PKIB: variants seen among roughly 807,000 people sequenced by gnomAD.
PKIB encodes the protein cAMP-dependent protein kinase inhibitor beta, also known as PKI-beta.
A neutral mutation model predicts 4.5 loss-of-function variants in PKIB; 2 were observed. The observed-to-expected ratio is 0.44, with a 90% confidence interval of 0.18 to 1.39. PKIB has a LOEUF of 1.39. PKIB is among the 40% of genes most tolerant of loss of function. PKIB has a pLI of 0.27. For synonymous variants in PKIB, 38 were observed against 36.0 expected (o/e 1.06, Z -0.20); for missense variants, 94 against 92.6 (o/e 1.02, Z -0.06).
intron 3 of PKIB, among the ~76,000 whole-genome samples, chr6:122,683,645 C>A (rs1200294587): frequency 6.6e-6 from 1 of 152,146 alleles, no homozygotes; most frequent in Admixed American, 6.5e-5. Context: ...TCTCATTTAA[C>A]CAAGTCTCCT....
At chr6:122,558,891 C>T (rs1772929886) in intron 2 of PKIB, among the ~76,000 whole-genome samples, 1 of 152,044 alleles carries the variant, frequency 6.6e-6, no homozygotes, top group Admixed American at 6.6e-5. Context: ...GTCTTTTATC[C>T]CTTGCTTCCC....
At chr6:122,720,844 G>A (rs1316104535) in intron 4 of PKIB, among the ~76,000 whole-genome samples, 1 of 151,918 alleles carries the variant, frequency 6.6e-6, no homozygotes, top group African/African-American at 2.4e-5. Context: ...TGGGATTACA[G>A]GTGCCCACCA....
chr6:122,582,846 A>T (rs557665931), intron 2 of PKIB, among the ~76,000 whole-genome samples: 1 of 152,070 alleles, frequency 6.6e-6, no homozygotes, highest in Non-Finnish European at 1.5e-5. Flanking sequence ...AGTACCTAAC[A>T]CATAGTAATT....
At chr6:122,696,341 T>A (rs1778568484) in intron 3 of PKIB, among the ~76,000 whole-genome samples, 1 of 152,164 alleles carries the variant, frequency 6.6e-6, no homozygotes, top group African/African-American at 2.4e-5. Context: ...GAATTCAGGA[T>A]GTAATGAGAC....
At chr6:122,496,520 A>G (rs997901444) in intron 2 of PKIB, among the ~76,000 whole-genome samples, 4 of 152,236 alleles carry the variant, frequency 2.6e-5, no homozygotes, top group Admixed American at 6.5e-5. Context: ...GAAAAGATAA[A>G]TCTTCTAAAA....
chr6:122,598,676 C>T (rs1277311335), intron 3 of PKIB, among the ~76,000 whole-genome samples: 1 of 152,188 alleles, frequency 6.6e-6, no homozygotes, highest in African/African-American at 2.4e-5. Context: ...TCCACCATCC[C>T]AATCTCCCTA....
intron 2 of PKIB, among the ~76,000 whole-genome samples, chr6:122,540,851 G>A (rs1366082828): frequency 1.7e-4 from 25 of 150,646 alleles, no homozygotes; most frequent in Non-Finnish European, 3.3e-4. Flanking sequence ...CTTGCTTTAT[G>A]AATCTGGGTG....
intron 3 of PKIB, among the ~76,000 whole-genome samples, chr6:122,588,830 T>C (rs961326298): frequency 1.3e-5 from 2 of 152,150 alleles, no homozygotes; most frequent in Non-Finnish European, 2.9e-5. Flanking sequence ...TAGTCCTATC[T>C]CCAAATTACT....
intron 2 of PKIB, among the ~76,000 whole-genome samples, chr6:122,486,688 G>A (rs985523274): frequency 1.3e-5 from 2 of 151,654 alleles, no homozygotes; most frequent in Non-Finnish European, 2.9e-5. Context: ...CTGCTTTATG[G>A]TATTCTAGTT....
At chr6:122,659,108 G>T (rs1776887702) in intron 2 of PKIB, among the ~76,000 whole-genome samples, 1 of 151,962 alleles carries the variant, frequency 6.6e-6, no homozygotes, top group Non-Finnish European at 1.5e-5. Flanking sequence ...ATTTTTACAT[G>T]GAAATGAATG....
chr6:122,607,083 A>G (rs1396825476), upstream of PKIB, among the ~76,000 whole-genome samples: 1 of 150,524 alleles, frequency 6.6e-6, no homozygotes, highest in Admixed American at 6.6e-5. Context: ...TGGTAAAAAA[A>G]AAAATAATAA....
chr6:122,478,113 T>C (rs192064630), intron 2 of PKIB: 1 of 152,150 alleles, frequency 6.6e-6, no homozygotes, highest in Non-Finnish European at 1.5e-5. Flanking sequence ...AGTCCTGTTA[T>C]AGTGAAGGCT....
At chr6:122,711,686 A>T (rs1423487428) in intron 3 of PKIB, among the ~76,000 whole-genome samples, 1 of 152,202 alleles carries the variant, frequency 6.6e-6, no homozygotes, top group Non-Finnish European at 1.5e-5. Context: ...CATTAACAAC[A>T]TTCATGTATA....
At position 122,711,691 on chromosome 6, in the gene PKIB, T is replaced by C. The variant is rs573418194; in HGVS notation, c.-8-6096T>C. 1.9e-4 allele frequency among the ~76,000 whole-genome samples: 29 copies of C among 152,314 alleles called. No individual in the cohort carries two copies. In the South Asian group the frequency reaches 5.4e-3, roughly 28 times the overall value. On this transcript the variant is annotated intron_variant, in intron 3 of 4. Coordinates refer to ENST00000368452, the MANE Select transcript of PKIB (RefSeq NM_181795.3). ...TCTTTTTTATCATTAACAACATTCATGTATATTAGTATTGTAAGTGGCCTT... is the reference window on the plus strand; with the variant it reads ...TCTTTTTTATCATTAACAACATTCACGTATATTAGTATTGTAAGTGGCCTT...
chr6:122,506,181 A>T (rs1234534874), intron 2 of PKIB, among the ~76,000 whole-genome samples: 6 of 152,182 alleles, frequency 3.9e-5, no homozygotes, highest in African/African-American at 1.4e-4. Context: ...AGTAACACAG[A>T]TGTTTTTTCA....
intron 2 of PKIB, among the ~76,000 whole-genome samples, chr6:122,511,295 C>CAAA (rs1776577308): frequency 6.6e-6 from 1 of 152,170 alleles, no homozygotes; most frequent in Non-Finnish European, 1.5e-5. Context: ...CAGCATAAAA[C>CAAA]AAATCCATAA....
chr6:122,578,386 A>T (rs892345002), intron 2 of PKIB, among the ~76,000 whole-genome samples: 2 of 152,066 alleles, frequency 1.3e-5, no homozygotes, highest in African/African-American at 4.8e-5. Context: ...GGTATCTTTC[A>T]AGCATTTTGA....
rs1222009908 is a variant in PKIB, at chr6:122,702,205, TC to T, written c.-8-15581del. On this transcript the variant is annotated intron_variant, in intron 3 of 4. Transcript: ENST00000368452. Reference sequence around the variant, plus strand: ...GTAGTCTATGTAATCCGAACAAAAGTCATGCTGAGAATATAAGGCTACCAAT... The same window carrying T: ...GTAGTCTATGTAATCCGAACAAAAGTATGCTGAGAATATAAGGCTACCAAT... 1.7e-3 allele frequency among the ~76,000 whole-genome samples: 251 copies of T among 151,970 alleles called. 2 individuals are homozygous for T. The highest frequency in any genetic ancestry group is 5.8e-3 in the African/African-American group (239 of 41,434).
At chr6:122,559,304 C>A (rs919408305) in intron 2 of PKIB, among the ~76,000 whole-genome samples, 2 of 151,024 alleles carry the variant, frequency 1.3e-5, no homozygotes, top group African/African-American at 4.9e-5. Flanking sequence ...TATATATATG[C>A]CACTTTCCCC....
Sources: gnomAD v4.1 joint callset for allele counts (sites outside exome capture counted in the v4.1 genomes callset) on GRCh38, gnomAD v4.1.1 for gene constraint, MANE v1.5 for transcripts, NCBI Gene and HGNC (gene_info 2026-07-23, HGNC 2026-07-21) for gene names.